The following SVOP variants were observed in gnomAD, a reference collection of about 807,000 sequenced individuals.
SVOP encodes synaptic vesicle 2-related protein.
In SVOP, 17 loss-of-function variants were observed where a neutral mutation model predicts 69.1. That is an observed-to-expected ratio of 0.25 (90% confidence interval 0.17 to 0.37). SVOP has a LOEUF of 0.37. Among genes scored for constraint, SVOP ranks in the 10% least tolerant of loss-of-function variants. SVOP has a pLI of 1.00. For synonymous variants in SVOP, 238 were observed against 238.6 expected, an observed-to-expected ratio of 1.00 and a Z score of 0.02; for missense variants, 435 against 597.5, an observed-to-expected ratio of 0.73 and a Z score of 2.84.
intron 1 of SVOP, among the ~76,000 whole-genome samples, chr12:108,993,144 A>C (rs1426317172): frequency 6.6e-6 from 1 of 152,074 alleles, no homozygotes; most frequent in Non-Finnish European, 1.5e-5. Flanking sequence ...AGTAGCTGGG[A>C]TTACAGGCAC....
In SVOP at chr12:108,911,430, C is replaced by T. The variant is rs117007582; in HGVS notation, c.*1105G>A. ...TCCCCTCAAGAGTCATCATTCAGGC[C>T]GGGTGCAGTGGCTCCCACCTGTAAT... On this transcript the variant is annotated 3_prime_UTR_variant, in exon 16 of 16. Coordinates refer to ENST00000610966, the MANE Select transcript of SVOP (RefSeq NM_018711.5). The T allele has an allele frequency of 0.017, 2,569 of 152,240 alleles. 36 individuals carry two copies. Among genetic ancestry groups the T allele is most frequent in the Middle Eastern group, 0.034 (10 of 296 alleles). The allele number at this position is 152,240 out of a possible 1,614,324, so 9.4% of individuals were successfully genotyped here.
intron 2 of SVOP, 135 bp from the exon 3 acceptor site, chr12:108,978,798 A>G: frequency 1.8e-6 from 1 of 571,326 alleles, no homozygotes; most frequent in Non-Finnish European, 3.1e-6. Context: ...TATCCTAGAA[A>G]AATATTCCAG....
intron 4 of SVOP, 23 bp downstream of exon 4, chr12:108,977,375 A>G: frequency 6.5e-7 from 1 of 1,536,494 alleles, no homozygotes. Context: ...TATGCAACAG[A>G]AGGGAGCTGC....
chr12:109,016,940 G>T (rs2040370906), intron 1 of SVOP, among the ~76,000 whole-genome samples: 1 of 151,924 alleles, frequency 6.6e-6, no homozygotes, highest in Non-Finnish European at 1.5e-5. Context: ...GTAGTAACAG[G>T]TCTCAATATA....
intron 15 of SVOP, 65 bp downstream of exon 15, chr12:108,915,718 T>A: frequency 6.6e-7 from 1 of 1,506,894 alleles, no homozygotes; most frequent in Non-Finnish European, 8.9e-7. Context: ...CGGCATGTAG[T>A]AACTGCTTGC....
intron 1 of SVOP, among the ~76,000 whole-genome samples, chr12:109,006,060 T>G (rs994594306): frequency 1.1e-4 from 16 of 152,168 alleles, no homozygotes; most frequent in Non-Finnish European, 5.9e-5. Context: ...TGTTTTGTTT[T>G]GTTTTGTTTG....
chr12:108,972,317 T>A (rs769472111), intron 5 of SVOP, 88 bp downstream of exon 5: 57 of 1,291,320 alleles, frequency 4.4e-5, no homozygotes, highest in Non-Finnish European at 5.5e-5. Flanking sequence ...GCCTCCCAAC[T>A]GCTAATGCAG....
At chr12:108,951,934 C>T (rs2039956944) in intron 6 of SVOP, among the ~76,000 whole-genome samples, 1 of 152,172 alleles carries the variant, frequency 6.6e-6, no homozygotes, top group South Asian at 2.1e-4. Flanking sequence ...GCTTTGACCA[C>T]CAGAATGTAG....
intron 11 of SVOP, among the ~76,000 whole-genome samples, chr12:108,925,849 T>G (rs1050340711): frequency 9.2e-5 from 14 of 152,066 alleles, no homozygotes; most frequent in African/African-American, 3.4e-4. Flanking sequence ...ACCTTCTCAT[T>G]GAGGCCACCC....
At chr12:108,964,747 GTC>G (rs2040035427) in intron 5 of SVOP, among the ~76,000 whole-genome samples, 1 of 152,136 alleles carries the variant, frequency 6.6e-6, no homozygotes, top group African/African-American at 2.4e-5. Context: ...AACTATGACT[GTC>G]ATTCCGTCTA....
chr12:109,014,074 G>A (rs1040645621), intron 1 of SVOP, among the ~76,000 whole-genome samples: 7 of 144,942 alleles, frequency 4.8e-5, no homozygotes, highest in East Asian at 2.0e-4. Context: ...GGAGTGCCAC[G>A]GTGTGATCTC....
intron 6 of SVOP, 46 bp from the exon 7 acceptor site, chr12:108,945,212 G>A: frequency 6.6e-7 from 1 of 1,522,306 alleles, no homozygotes; most frequent in Non-Finnish European, 8.8e-7. Context: ...TCAGAACTGG[G>A]TGGGAAAATG....
At chr12:109,015,694 T>C (rs2040364269) in intron 1 of SVOP, among the ~76,000 whole-genome samples, 1 of 151,776 alleles carries the variant, frequency 6.6e-6, no homozygotes, top group African/African-American at 2.4e-5. Flanking sequence ...GCTACAGGGG[T>C]GGCTATGATA....
Position 108,937,249 on chromosome 12 carries a change from A to G in SVOP, c.971+15T>C, listed in dbSNP as rs1376922592. ...GAGTGGAAAGGGGTCAAAGTGGTCA[A>G]CAAACAGCTCTTACCATATAAACCA... is the stretch of plus-strand genomic sequence containing the variant. On this transcript the variant is annotated intron_variant, in intron 10 of 15. Transcript: ENST00000610966. The G allele has an allele frequency of 6.2e-7, 1 of 1,613,972 alleles. No individual in the cohort carries two copies. The highest frequency in any genetic ancestry group is 1.7e-5 in the Admixed American group (1 of 60,024).
rs1205823770 is a variant in SVOP, at chr12:108,910,750, T to A, written c.*1785A>T. The A allele has an allele frequency of 2.0e-5, 3 of 152,250 alleles. No homozygotes were observed. The highest frequency in any genetic ancestry group is 7.2e-5 in the African/African-American group (3 of 41,466). The allele number at this position is 152,250 out of a possible 1,614,324, so 9.4% of individuals were successfully genotyped here. On this transcript the variant is annotated 3_prime_UTR_variant, in exon 16 of 16. Coordinates refer to ENST00000610966, the MANE Select transcript of SVOP (RefSeq NM_018711.5). ...CACAATGTTGGCTGCCAACGGTATG[T>A]CTTTCCCCACTCATTGGAAAGGAGA...
At chr12:108,984,530 G>T (rs1342895291) in intron 1 of SVOP, among the ~76,000 whole-genome samples, 1 of 152,092 alleles carries the variant, frequency 6.6e-6, no homozygotes, top group Non-Finnish European at 1.5e-5. Context: ...AGCCCTAAGG[G>T]TCTTTTGCCA....
intron 1 of SVOP, among the ~76,000 whole-genome samples, chr12:108,987,283 C>A (rs1376360317): frequency 6.6e-6 from 1 of 152,202 alleles, no homozygotes; most frequent in Non-Finnish European, 1.5e-5. Context: ...GAACTTCCCT[C>A]CTTTTTAAGG....
chr12:108,981,191 T>C (rs2040133518), intron 2 of SVOP, among the ~76,000 whole-genome samples: 1 of 152,230 alleles, frequency 6.6e-6, no homozygotes, highest in South Asian at 2.1e-4. Context: ...TGCAAGGCAC[T>C]GTGCCGAAAG....
intron 6 of SVOP, among the ~76,000 whole-genome samples, chr12:108,954,309 C>A (rs912351453): frequency 1.3e-5 from 2 of 151,898 alleles, no homozygotes; most frequent in Non-Finnish European, 2.9e-5. Context: ...CTAAGATGAG[C>A]GTTAAAGTGG....
Sources: allele counts gnomAD v4.1 joint callset (sites outside exome capture counted in the v4.1 genomes callset), GRCh38; gene constraint gnomAD v4.1.1; transcripts MANE v1.5; gene names NCBI Gene and HGNC (gene_info 2026-07-23, HGNC 2026-07-21).